RADIL: variants seen among roughly 807,000 people sequenced by gnomAD.
The protein encoded by RADIL is ras-associating and dilute domain-containing protein.
RADIL carries 99 observed loss-of-function variants against 97.6 expected under a neutral mutation model. The observed-to-expected ratio is 1.01, with a 90% CI of 0.86 to 1.20. RADIL has a LOEUF of 1.20. Ranked by LOEUF, RADIL falls within the 50% of genes most tolerant of loss-of-function variation. RADIL has a pLI of 0.00. For synonymous variants in RADIL, 803 were observed against 691.8 expected (o/e 1.16, Z -2.52); for missense variants, 1,765 against 1,498.9 (o/e 1.18, Z -2.93).
At chr7:4,826,152 G>C (rs1313548230) in intron 5 of RADIL, among the ~76,000 whole-genome samples, 1 of 152,024 alleles carries the variant, frequency 6.6e-6, no homozygotes, top group South Asian at 2.1e-4. Flanking sequence ...AGGCTGCAGT[G>C]AGCTCTGACT....
chr7:4,882,650 G>T (rs1186803850), intron 1 of RADIL, among the ~76,000 whole-genome samples: 2 of 152,164 alleles, frequency 1.3e-5, no homozygotes, highest in East Asian at 3.9e-4. Context: ...TACACACTCA[G>T]CTCTCTCCCC....
intron 2 of RADIL, among the ~76,000 whole-genome samples, chr7:4,847,521 G>A (rs865841933): frequency 1.3e-5 from 2 of 151,922 alleles, no homozygotes; most frequent in South Asian, 2.1e-4. Flanking sequence ...AAAAATACAC[G>A]TCCACGCAAA....
Position 4,812,981 on chromosome 7 carries a change from T to C in RADIL, c.2139+2297A>G, listed in dbSNP as rs571241496. Among the ~76,000 whole-genome samples the C allele has an allele frequency of 3.3e-5, 5 of 152,338 alleles. No homozygotes were observed. The South Asian group carries it at 6.2e-4, about 19-fold the overall frequency. On this transcript the variant is annotated intron_variant, in intron 9 of 14. Coordinates refer to ENST00000399583, the MANE Select transcript of RADIL (RefSeq NM_018059.5). ...CAGGTTTGGATATTTTGTATCTTCA[T>C]TGTTGCCAATGAACTTAATGCTGAG...
intron 2 of RADIL, chr7:4,861,862 G>GACCTTCGCA: frequency 7.8e-7 from 1 of 1,279,268 alleles, no homozygotes; most frequent in East Asian, 2.7e-5. Flanking sequence ...CGACCTTCGC[G>GACCTTCGCA]GCCGCCGCCC....
rs948577033 is a variant in RADIL at position 4,854,519 on chromosome 7, T to C, written c.536-17914A>G. Among the ~76,000 whole-genome samples, 3 of 151,842 alleles carry C rather than the reference T, an allele frequency of 2.0e-5. No individual in the cohort carries two copies. The highest frequency in any genetic ancestry group is 7.3e-5 in the African/African-American group (3 of 41,324). On this transcript the variant is annotated intron_variant, in intron 2 of 14. Coordinates refer to ENST00000399583, the MANE Select transcript of RADIL (RefSeq NM_018059.5). This position sits in a 1 kb window ranked among gnomAD's most constrained non-coding sequence, Gnocchi z 5.1. ...GACCAGCCTGGCCAATATGGTGAAA[T>C]CCTGTCTCTACTAAAAATACAAAAA...
intron 5 of RADIL, among the ~76,000 whole-genome samples, chr7:4,829,854 GCCC>G (rs3838691): frequency 0.13 from 20,314 of 152,100 alleles, 1,787 homozygotes; most frequent in East Asian, 0.37. Flanking sequence ...GGAACTGTGA[GCCC>G]ATTAAACCTG....
chr7:4,799,584 C>T (rs1455272319), intron 14 of RADIL, 46 bp downstream of exon 14: 2 of 1,607,566 alleles, frequency 1.2e-6, no homozygotes, highest in East Asian at 2.2e-5. Flanking sequence ...CTCCCCTGAG[C>T]AGGGCATCTG....
At position 4,854,656 on chromosome 7, in the gene RADIL, C is replaced by T. The variant is rs957386411; in HGVS notation, c.536-18051G>A. Among the ~76,000 whole-genome samples, 7 of 152,080 alleles carry T rather than the reference C, an allele frequency of 4.6e-5. No homozygotes were observed. The highest frequency in any genetic ancestry group is 1.9e-4 in the East Asian group (1 of 5,202). On this transcript the variant is annotated intron_variant, in intron 2 of 14. Coordinates refer to ENST00000399583, the MANE Select transcript of RADIL (RefSeq NM_018059.5). This position sits in a 1 kb window ranked among gnomAD's most constrained non-coding sequence, Gnocchi z 5.1. ...TTGCAGTGAGCCGAGATGGCGCCAC[C>T]GCACTCCACCCTGGGCGACAGAGCG...
rs145641359 is a variant in RADIL at position 4,837,798 on chromosome 7, C to T, written c.536-1193G>A. 637 of 980,140 alleles carry T rather than the reference C, an allele frequency of 6.5e-4. 3 individuals are homozygous for T. The African/African-American group carries it at 0.011, about 16-fold the overall frequency. The allele number at this position is 980,140 out of a possible 1,614,324, so 60.7% of individuals were successfully genotyped here. The stretch of plus-strand genomic sequence containing the variant: ...CTCTAAATGCATGCTCTGGGAAAGC[C>T]AGCCGGCTGCGATAGATGAAAACCG... On this transcript the variant is annotated intron_variant, in intron 2 of 14. Coordinates refer to ENST00000399583, the MANE Select transcript of RADIL (RefSeq NM_018059.5). This position sits in a 1 kb window ranked among gnomAD's most constrained non-coding sequence, Gnocchi z 5.6.
intron 2 of RADIL, chr7:4,860,146 T>A: frequency 6.2e-7 from 1 of 1,614,032 alleles, no homozygotes; most frequent in Non-Finnish European, 8.5e-7. Flanking sequence ...CAGGACTGTT[T>A]CTACCCTGAG....
chr7:4,799,837 G>A (rs1356871804), intron 13 of RADIL, 68 bp from the exon 14 acceptor site: 5 of 1,438,024 alleles, frequency 3.5e-6, no homozygotes, highest in East Asian at 5.0e-5. Flanking sequence ...GACCACTGCA[G>A]CCCCTCCCTT....
In RADIL at chr7:4,836,000, G is replaced by A. The variant is rs1284228798; in HGVS notation, c.783+358C>T. On this transcript the variant is annotated intron_variant, in intron 3 of 14. Coordinates refer to ENST00000399583, the MANE Select transcript of RADIL (RefSeq NM_018059.5). This position sits in a 1 kb window ranked among gnomAD's most constrained non-coding sequence, Gnocchi z 5.8. ...CTCAGCAGCCCCCTCGCCAGAAGCA[G>A]GAAGCAGACTGGCCCTGGCCAACTG... 6.6e-6 allele frequency among the ~76,000 whole-genome samples: 1 copy of A among 152,230 alleles called. No individual in the cohort carries two copies. The highest frequency in any genetic ancestry group is 1.5e-5 in the Non-Finnish European group (1 of 68,036).
chr7:4,836,389 A>C lies in RADIL; in HGVS notation c.752T>G (p.Leu251Arg). The C allele has an allele frequency of 6.3e-7, 1 of 1,575,870 alleles. No individual in the cohort carries two copies. The highest frequency in any genetic ancestry group is 8.6e-7 in the Non-Finnish European group (1 of 1,160,674). The change falls in exon 3 of 15, where the codon CTG (leucine) becomes CGG (arginine). Residue 251 changes from leucine (L) to arginine (R), a missense_variant. Leu to Arg is a moderately radical substitution (Grantham distance 102). Coordinates refer to ENST00000399583, the MANE Select transcript of RADIL (RefSeq NM_018059.5). ...CTGGCTGTAGCCCTGCAGAAGGAGC[A>C]GATGCGGGGACTGGTACAGCGAGTA... is the stretch of plus-strand genomic sequence containing the variant. ...MRYSLYQSPH[L>R]LLLQGYSQQH...
At chr7:4,853,174 ATGACCCCCAG>A (rs1188487925) in intron 2 of RADIL, among the ~76,000 whole-genome samples, 1 of 152,138 alleles carries the variant, frequency 6.6e-6, no homozygotes, top group African/African-American at 2.4e-5. Context: ...GAATTCTAAG[ATGACCCCCAG>A]TGACCCCTGC....
intron 10 of RADIL, chr7:4,805,317 G>C (rs914466568): frequency 3.4e-5 from 15 of 440,406 alleles, no homozygotes; most frequent in Non-Finnish European, 5.6e-5. Flanking sequence ...TTGGACCTGA[G>C]CCTGGAGTTT....
rs1397970804 is a variant in RADIL, at chr7:4,814,291, C to T, written c.2139+987G>A. 1.3e-5 allele frequency among the ~76,000 whole-genome samples: 2 copies of T among 152,304 alleles called. No homozygotes were observed. Among genetic ancestry groups the T allele is most frequent in the Non-Finnish European group, 1.5e-5 (1 of 68,020 alleles). ...GTAGGATCCAGACAGCCTCATTTTA[C>T]GAATTTTCTACAGTCAATAAAAATG... On this transcript the variant is annotated intron_variant, in intron 9 of 14. Coordinates refer to ENST00000399583, the MANE Select transcript of RADIL (RefSeq NM_018059.5). This position sits in a 1 kb window ranked among gnomAD's most constrained non-coding sequence, Gnocchi z 4.5.
At chr7:4,800,425 T>C (rs1247670128) in intron 12 of RADIL, 115 bp from the exon 13 acceptor site, 12 of 1,142,504 alleles carry the variant, frequency 1.1e-5, no homozygotes, top group Non-Finnish European at 1.4e-5. Context: ...TGGCCTCCTG[T>C]GGCTCCCAGG....
chr7:4,876,177 T>TG (rs148723074), intron 2 of RADIL, among the ~76,000 whole-genome samples: 6,597 of 151,876 alleles, frequency 0.043, 459 homozygotes, highest in African/African-American at 0.15. Context: ...TTTGTAGAGA[T>TG]GGGGCCTCAC....
intron 9 of RADIL, chr7:4,809,537 A>T (rs1782475456): frequency 1.0e-6 from 1 of 985,382 alleles, no homozygotes; most frequent in Non-Finnish European, 1.2e-6. Context: ...GCTGCTCGGG[A>T]GCCCCCAGGC....
Sources: allele counts gnomAD v4.1 joint callset (sites outside exome capture counted in the v4.1 genomes callset), GRCh38; gene constraint gnomAD v4.1.1; non-coding constraint Gnocchi (gnomAD v3.1); transcripts MANE v1.5; gene names NCBI Gene and HGNC (gene_info 2026-07-23, HGNC 2026-07-21).